The following UNC93A variants were observed in gnomAD, a reference collection of about 807,000 sequenced individuals.
UNC93A encodes unc-93 homolog A.
Under a neutral mutation model 47.5 loss-of-function variants are expected in UNC93A, and 43 were observed. That is an observed-to-expected ratio of 0.91 (90% confidence interval 0.71 to 1.17). The LOEUF (loss-of-function observed/expected upper bound fraction) is 1.17. Ranked by LOEUF, UNC93A falls within the 50% of genes most tolerant of loss-of-function variation. The pLI, the probability that UNC93A is intolerant of heterozygous loss-of-function variation, is 0.00. For missense variants in UNC93A, 605 were observed against 577.6 expected, an observed-to-expected ratio of 1.05 and a Z score of -0.49; for synonymous variants, 280 against 258.0, an observed-to-expected ratio of 1.09 and a Z score of -0.82.
intron 4 of UNC93A, among the ~76,000 whole-genome samples, chr6:167,300,894 G>A (rs1168706557): frequency 1.3e-5 from 2 of 152,194 alleles, no homozygotes; most frequent in Non-Finnish European, 2.9e-5. Context: ...TTTTGGAGTG[G>A]GGGCTGCAGC....
At chr6:167,294,838 C>G in intron 2 of UNC93A, 140 bp downstream of exon 2, 1 of 933,966 alleles carries the variant, frequency 1.1e-6, no homozygotes, top group Non-Finnish European at 1.6e-6. Context: ...CCCCTGCACC[C>G]CCGCCTCGCT....
chr6:167,306,850 C>T (rs1778411099), intron 6 of UNC93A, among the ~76,000 whole-genome samples: 1 of 152,232 alleles, frequency 6.6e-6, no homozygotes, highest in Non-Finnish European at 1.5e-5. Context: ...GACAGAGACC[C>T]TGCTCTTCCT....
chr6:167,281,113 A>C (rs1371690355), intron 1 of UNC93A, among the ~76,000 whole-genome samples: 2 of 151,680 alleles, frequency 1.3e-5, no homozygotes, highest in African/African-American at 4.8e-5. Context: ...CCAGGAGGTC[A>C]TCCCACTGAC....
chr6:167,278,934 G>A (rs971499785), intron 1 of UNC93A, among the ~76,000 whole-genome samples: 1 of 152,248 alleles, frequency 6.6e-6, no homozygotes, highest in African/African-American at 2.4e-5. Context: ...ACAGCTTGCC[G>A]TGTGTTCTGT....
intron 3 of UNC93A, among the ~76,000 whole-genome samples, chr6:167,297,611 T>G (rs536370578): frequency 6.6e-6 from 1 of 152,308 alleles, no homozygotes; most frequent in South Asian, 2.1e-4. Flanking sequence ...ACTTTTTTCT[T>G]TTTGACTAAT....
chr6:167,297,257 G>T (rs56362747), intron 3 of UNC93A, among the ~76,000 whole-genome samples: 6,777 of 152,252 alleles, frequency 0.045, 221 homozygotes, highest in South Asian at 0.099. Context: ...GATTTGGAGG[G>T]CGTCGTGTGC....
upstream of UNC93A, among the ~76,000 whole-genome samples, chr6:167,289,765 A>G (rs206995): frequency 1 from 150,737 of 150,884 alleles, 75,297 homozygotes; most frequent in Middle Eastern, 1. Context: ...CAGGTCATCC[A>G]TGGGAACTAA....
At chr6:167,269,978 C>G, upstream of UNC93A, among the ~76,000 whole-genome samples, 1 of 147,160 alleles carries the variant, frequency 6.8e-6, no homozygotes, top group Non-Finnish European at 1.5e-5. Context: ...GTCCTGGGCC[C>G]CTAAATTCTG....
chr6:167,299,570 C>T (rs2346126), intron 4 of UNC93A, among the ~76,000 whole-genome samples: 33,344 of 152,050 alleles, frequency 0.22, 3,903 homozygotes, highest in African/African-American at 0.29. Flanking sequence ...AAGCTGAGAG[C>T]CTAGTGAAGG....
At chr6:167,293,555 GGAGCC>G (rs1777952276) in intron 1 of UNC93A, among the ~76,000 whole-genome samples, 1 of 152,144 alleles carries the variant, frequency 6.6e-6, no homozygotes, top group Non-Finnish European at 1.5e-5. Context: ...AGCATGCTGA[GGAGCC>G]GAGCCCACCT....
At chr6:167,293,035 T>A (rs898365040) in intron 1 of UNC93A, among the ~76,000 whole-genome samples, 2 of 152,158 alleles carry the variant, frequency 1.3e-5, no homozygotes, top group Admixed American at 6.5e-5. Flanking sequence ...TGGAGGGGGC[T>A]GGGAGCTGCC....
intron 7 of UNC93A, among the ~76,000 whole-genome samples, chr6:167,309,132 A>G (rs776132573): frequency 2.2e-4 from 34 of 152,290 alleles, no homozygotes; most frequent in Middle Eastern, 6.8e-3. Context: ...AGGCTGAGGC[A>G]GGAGAATCAC....
chr6:167,284,887 G>T, intron 1 of UNC93A, among the ~76,000 whole-genome samples: 1 of 151,656 alleles, frequency 6.6e-6, no homozygotes, highest in Non-Finnish European at 1.5e-5. Context: ...CTTACCTTGG[G>T]AACGCCGGAC....
intron 7 of UNC93A, among the ~76,000 whole-genome samples, chr6:167,312,658 T>C (rs143995160): frequency 6.6e-6 from 1 of 152,364 alleles, no homozygotes; most frequent in East Asian, 1.9e-4. Context: ...TCCCACTAGG[T>C]ATGACTGCTT....
chr6:167,315,417 C>G lies in UNC93A; in HGVS notation c.1339C>G (p.Gln447Glu). ...IRPHAPGQVNQAEDEEIQTKM is the reference protein window; with the variant it reads ...IRPHAPGQVNEAEDEEIQTKM ...ACCCCACGCTCCAGGACAGGTCAAC[C>G]AGGCAGAGGATGAAGAAATACAAAC... Residue 447 changes from glutamine to glutamate, a missense_variant, in exon 8 of 8, where the codon CAG becomes GAG. Transcript: ENST00000230256. 1 of 1,613,958 alleles carries G rather than the reference C, an allele frequency of 6.2e-7. No individual in the cohort carries two copies. Among genetic ancestry groups the G allele is most frequent in the Non-Finnish European group, 8.5e-7 (1 of 1,179,874 alleles).
rs771227240 is a variant in UNC93A, at chr6:167,296,237, G to T, written c.475G>T (p.Val159Leu). The T allele has an allele frequency of 6.2e-7, 1 of 1,614,198 alleles. No homozygotes were observed. Among genetic ancestry groups the T allele is most frequent in the Non-Finnish European group, 8.5e-7 (1 of 1,180,044 alleles). Residue 159 changes from valine (V) to leucine (L), a missense_variant, in exon 3 of 8, where the codon GTA becomes TTA. Coordinates refer to ENST00000230256, the MANE Select transcript of UNC93A (RefSeq NM_018974.4). The part of the protein sequence containing the change: ...GVWGNLISSL[V>L]FGQTPSQETL... ...GTGGGGCAACTTGATCTCATCGCTGGTATTTGGCCAGACTCCCAGCCAAGG... is the reference window on the plus strand; with the variant it reads ...GTGGGGCAACTTGATCTCATCGCTGTTATTTGGCCAGACTCCCAGCCAAGG...
At chr6:167,270,710 G>A (rs1220256617), upstream of UNC93A, among the ~76,000 whole-genome samples, 1 of 152,182 alleles carries the variant, frequency 6.6e-6, no homozygotes, top group Non-Finnish European at 1.5e-5. Context: ...GGAGAGGGGA[G>A]CACGGGGAGA....
At chr6:167,306,963 T>C (rs1778414352) in intron 6 of UNC93A, among the ~76,000 whole-genome samples, 1 of 152,046 alleles carries the variant, frequency 6.6e-6, no homozygotes, top group African/African-American at 2.4e-5. Context: ...CTGGGACGAG[T>C]CACAAGGTGG....
At chr6:167,303,676 C>T (rs1054964964) in intron 4 of UNC93A, among the ~76,000 whole-genome samples, 2 of 152,094 alleles carry the variant, frequency 1.3e-5, no homozygotes, top group East Asian at 3.8e-4. Flanking sequence ...GAGGACAATA[C>T]TGACCTATTG....
Sources: allele counts gnomAD v4.1 joint callset (sites outside exome capture counted in the v4.1 genomes callset), GRCh38; gene constraint gnomAD v4.1.1; transcripts MANE v1.5; gene names NCBI Gene and HGNC (gene_info 2026-07-23, HGNC 2026-07-21).